Variants in PTN observed in about 807,000 individuals in gnomAD.
PTN encodes the protein pleiotrophin, also known as heparin affin regulatory protein.
PTN carries 18 observed loss-of-function variants against 24.1 expected under a neutral mutation model. The observed-to-expected ratio is 0.75, with a 90% CI of 0.52 to 1.11. The LOEUF (loss-of-function observed/expected upper bound fraction) is 1.11. PTN is among the 50% of genes least tolerant of loss of function. PTN has a pLI of 0.00. For synonymous variants in PTN, 78 were observed against 68.6 expected (o/e 1.14, Z -0.67); for missense variants, 163 against 198.8 (o/e 0.82, Z 1.08).
At chr7:137,229,868 T>C (rs940726591) in intron 4 of PTN, among the ~76,000 whole-genome samples, 1 of 151,860 alleles carries the variant, frequency 6.6e-6, no homozygotes, top group Non-Finnish European at 1.5e-5. Flanking sequence ...ATTCAGTGTC[T>C]GAAAATGTAA....
At chr7:137,251,444 C>T (rs1808825577) in intron 3 of PTN, 53 bp from the exon 4 acceptor site, 1 of 1,569,026 alleles carries the variant, frequency 6.4e-7, no homozygotes, top group Non-Finnish European at 8.7e-7. Context: ...TATCGTACTT[C>T]CAGGATAATA....
At chr7:137,338,136 AC>A (rs1385880138) in intron 1 of PTN, among the ~76,000 whole-genome samples, 1 of 151,976 alleles carries the variant, frequency 6.6e-6, no homozygotes, top group Non-Finnish European at 1.5e-5. Context: ...GCCTTGGAAA[AC>A]CTTTGGTGCC....
intron 1 of PTN, among the ~76,000 whole-genome samples, chr7:137,299,525 C>T (rs916171640): frequency 6.6e-6 from 1 of 151,854 alleles, no homozygotes; most frequent in Non-Finnish European, 1.5e-5. Context: ...CCTCTGAGAC[C>T]ATTTAATGGC....
intron 4 of PTN, among the ~76,000 whole-genome samples, chr7:137,241,432 A>G (rs1268959886): frequency 1.3e-5 from 2 of 152,136 alleles, no homozygotes; most frequent in Admixed American, 6.5e-5. Context: ...AACTATAATC[A>G]CTTTTGTTGT....
Position 137,254,929 on chromosome 7 carries a change from A to G in PTN, c.45T>C (p.Ala15=), listed in dbSNP as rs1808894247. The change falls in exon 2 of 5, where the codon GCT becomes GCC. Residue 15 remains alanine (A), a synonymous_variant. Coordinates refer to ENST00000348225, the MANE Select transcript of PTN (RefSeq NM_002825.7). The part of the protein sequence containing the change: ...QYQQQRRKFA[A]AFLAFIFILA... The stretch of plus-strand genomic sequence containing the variant: ...GTATGAAAATGAATGCCAAGAAGGC[A>G]GCTGCAAATTTTCGACGCTGCTGCT... 1 of 1,580,488 alleles carries G rather than the reference A, an allele frequency of 6.3e-7. No individual in the cohort carries two copies.
At chr7:137,314,752 A>G (rs1810042377) in intron 1 of PTN, among the ~76,000 whole-genome samples, 1 of 151,654 alleles carries the variant, frequency 6.6e-6, no homozygotes, top group Admixed American at 6.6e-5. Context: ...CCACCACCGC[A>G]CTCAGCTAAT....
At chr7:137,316,067 A>G (rs1003971254) in intron 1 of PTN, among the ~76,000 whole-genome samples, 1 of 152,208 alleles carries the variant, frequency 6.6e-6, no homozygotes, top group Non-Finnish European at 1.5e-5. Context: ...TGCCTGCTGC[A>G]TCTACCCTGA....
intron 1 of PTN, among the ~76,000 whole-genome samples, chr7:137,306,320 C>T (rs1809887534): frequency 6.6e-6 from 1 of 152,042 alleles, no homozygotes; most frequent in Non-Finnish European, 1.5e-5. Flanking sequence ...CATCGGATTG[C>T]AGAATCATTG....
chr7:137,271,551 C>T (rs1371923423), intron 1 of PTN, among the ~76,000 whole-genome samples: 1 of 152,192 alleles, frequency 6.6e-6, no homozygotes, highest in Admixed American at 6.5e-5. Flanking sequence ...TATAATATAA[C>T]TGTGATAGTA....
At chr7:137,318,334 C>T (rs747513463) in intron 1 of PTN, among the ~76,000 whole-genome samples, 3 of 152,114 alleles carry the variant, frequency 2.0e-5, no homozygotes, top group African/African-American at 4.8e-5. Context: ...GTGAATGAAC[C>T]AGGTATTTCA....
chr7:137,341,211 A>T (rs1283694796), intron 1 of PTN, among the ~76,000 whole-genome samples: 1 of 152,216 alleles, frequency 6.6e-6, no homozygotes, highest in Non-Finnish European at 1.5e-5. Context: ...TACTAAAAAA[A>T]GTGATTCAAC....
In PTN at chr7:137,275,651, A is replaced by T. The variant is rs549376373; in HGVS notation, c.-1-20677T>A. On this transcript the variant is annotated intron_variant, in intron 1 of 4. Coordinates refer to ENST00000348225, the MANE Select transcript of PTN (RefSeq NM_002825.7). ...ACTTTTGGCAGTAAATCTTTTTTTA[A>T]AAAAAAAAATTGTATTGGCAAACTG... Among the ~76,000 whole-genome samples the T allele has an allele frequency of 3.6e-4, 55 of 151,216 alleles. 1 individual carries two copies. The South Asian group carries it at 0.01, about 28-fold the overall frequency.
intron 1 of PTN, among the ~76,000 whole-genome samples, chr7:137,320,588 G>A (rs1585043740): frequency 6.6e-6 from 1 of 152,110 alleles, no homozygotes. Flanking sequence ...AAAATTCCCT[G>A]GGAAGGTGTT....
chr7:137,340,845 T>C (rs941811924), intron 1 of PTN, among the ~76,000 whole-genome samples: 12 of 152,148 alleles, frequency 7.9e-5, no homozygotes, highest in Non-Finnish European at 1.8e-4. Context: ...ATGTTTGCAC[T>C]CATCACATTG....
chr7:137,341,461 A>C (rs1223939851), intron 1 of PTN, among the ~76,000 whole-genome samples: 1 of 152,144 alleles, frequency 6.6e-6, no homozygotes, highest in East Asian at 1.9e-4. Context: ...GTCTAAAAAA[A>C]CAGAGAATTA....
intron 1 of PTN, among the ~76,000 whole-genome samples, chr7:137,280,691 T>TAACAAAAAAAAAAAAAAAAAAAAAAAAA (rs760779128): frequency 2.7e-4 from 4 of 14,750 alleles, no homozygotes; most frequent in African/African-American, 5.4e-4. Context: ...CCGTCTCTAC[T>TAACAAAAAAAAAAAAAAAAAAAAAAAAA]AAAAATACAA....
At chr7:137,246,698 T>TCCC (rs1408664454) in intron 4 of PTN, among the ~76,000 whole-genome samples, 2 of 152,192 alleles carry the variant, frequency 1.3e-5, no homozygotes, top group Non-Finnish European at 2.9e-5. Flanking sequence ...AGATCAGACA[T>TCCC]TAGGCAAGGT....
chr7:137,280,080 G>A (rs1039005330), intron 1 of PTN, among the ~76,000 whole-genome samples: 9 of 152,044 alleles, frequency 5.9e-5, no homozygotes, highest in African/African-American at 1.9e-4. Context: ...GTTCATAAAC[G>A]GCTCCCTAAG....
intron 1 of PTN, among the ~76,000 whole-genome samples, chr7:137,328,954 C>G (rs1810306408): frequency 6.6e-6 from 1 of 152,148 alleles, no homozygotes; most frequent in Non-Finnish European, 1.5e-5. Flanking sequence ...TCTTCAAATA[C>G]TCACTGGACC....
Sources: gnomAD v4.1 joint callset for allele counts (sites outside exome capture counted in the v4.1 genomes callset) on GRCh38, gnomAD v4.1.1 for gene constraint, MANE v1.5 for transcripts, NCBI Gene and HGNC (gene_info 2026-07-23, HGNC 2026-07-21) for gene names.